The following ACTRT1 variants were observed in gnomAD, a reference collection of about 807,000 sequenced individuals.
ACTRT1 encodes actin-related protein T1.
ACTRT1 carries 1 observed loss-of-function variant against 1.4 expected under a neutral mutation model. That is an observed-to-expected ratio of 0.69 (90% CI 0.25 to 3.28). The LOEUF (loss-of-function observed/expected upper bound fraction) is 3.28. Ranked by LOEUF, ACTRT1 falls within the 30% of genes most tolerant of loss-of-function variation. ACTRT1 has a pLI of 0.20. For synonymous variants in ACTRT1, 121 were observed against 115.2 expected (o/e 1.05, Z -0.32); for missense variants, 334 against 291.5 (o/e 1.15, Z -1.06).
In ACTRT1 at chrX:128,051,800, T is replaced by G. The variant is rs776218169; in HGVS notation, c.407A>C (p.Tyr136Ser). The G allele has an allele frequency of 2.1e-5, 25 of 1,211,533 alleles. No individual in the cohort carries two copies. The highest frequency in any genetic ancestry group is 2.0e-5 in the Non-Finnish European group (18 of 895,445). The change falls in exon 1 of 1, where the codon TAC (tyrosine) becomes TCC (serine). Residue 136 changes from tyrosine (Y) to serine (S), a missense_variant. Tyr to Ser is a moderately radical substitution (Grantham distance 144). Coordinates refer to ENST00000371124, the MANE Select transcript of ACTRT1 (RefSeq NM_138289.4). ...MFETFSVPGFYLSNHAVAALY... is the reference protein window; with the variant it reads ...MFETFSVPGFSLSNHAVAALY... ...CGCTGCCACCGCATGATTAGACAGGTAGAAACCAGGCACACTGAAGGTCTC... is the reference window on the plus strand; with the variant it reads ...CGCTGCCACCGCATGATTAGACAGGGAGAAACCAGGCACACTGAAGGTCTC...
In ACTRT1 at chrX:128,052,349, AC is replaced by A; in HGVS notation, c.-144del. 5.1e-6 allele frequency: 3 copies of A among 593,735 alleles called. No homozygotes were observed. Among genetic ancestry groups the A allele is most frequent in the Non-Finnish European group, 7.7e-6 (3 of 388,605 alleles). 48.9% of individuals were successfully genotyped at this position (593,735 alleles called of 1,213,427 possible). ...GTCACCCATGTACAGCTAGTAGGCT[AC>A]CTTCAGTCCACCAGGACACCCCATC... On this transcript the variant is annotated 5_prime_UTR_variant, in exon 1 of 1. The change creates a premature stop within an existing upstream ORF in the 5' untranslated region. Coordinates refer to ENST00000371124, the MANE Select transcript of ACTRT1 (RefSeq NM_138289.4).
chrX:128,051,269 C>T lies in ACTRT1; in HGVS notation c.938G>A (p.Arg313Lys), dbSNP rs376216938. The T allele has an allele frequency of 8.3e-7, 1 of 1,208,214 alleles. No homozygotes were observed. The highest frequency in any genetic ancestry group is 3.0e-5 in the East Asian group (1 of 33,617). The change falls in exon 1 of 1, where the codon AGG (arginine) becomes AAG (lysine). Residue 313 changes from arginine to lysine, a missense_variant. Transcript: ENST00000371124. ...GTTLLPGLEE[R>K]LMKEVEQLAS... ...CAGCTGTTCCACTTCCTTCATGAGCCTTTCCTCCAGCCCAGGGAGGAGAGT... is the reference window on the plus strand; with the variant it reads ...CAGCTGTTCCACTTCCTTCATGAGCTTTTCCTCCAGCCCAGGGAGGAGAGT...
At position 128,051,674 on chromosome X, in the gene ACTRT1, A is replaced by G. The variant is rs1262613684; in HGVS notation, c.533T>C (p.Val178Ala). Residue 178 changes from valine (V) to alanine (A), a missense_variant, in exon 1 of 1, where the codon GTC (valine) becomes GCC (alanine). Val to Ala is a moderately conservative substitution (Grantham distance 64). Transcript: ENST00000371124. ...IFEGYSLPHA[V>A]TKLCMAGRDI... Reference sequence around the variant, plus strand: ...CCTCCCTGCCATACAGAGTTTGGTGACTGCGTGAGGCAGGGAGTAACCCTC... The same window carrying G: ...CCTCCCTGCCATACAGAGTTTGGTGGCTGCGTGAGGCAGGGAGTAACCCTC... 2 of 1,211,308 alleles carry G rather than the reference A, an allele frequency of 1.7e-6. No homozygotes were observed. The highest frequency in any genetic ancestry group is 2.2e-6 in the Non-Finnish European group (2 of 895,418).
Position 128,051,081 on chromosome X carries a change from AG to A in ACTRT1, c.1125del (p.Ter377LysfsTer4). The A allele has an allele frequency of 7.5e-6, 9 of 1,206,074 alleles. No homozygotes were observed. The highest frequency in any genetic ancestry group is 1.0e-5 in the Non-Finnish European group (9 of 891,890). On this transcript the variant is annotated frameshift_variant, in exon 1 of 1. Transcript: ENST00000371124. LOFTEE classifies it high-confidence loss of function. ...TCTCCTCTGCTCAAGGATCTTTAAA[AG>A]CACCTTCTTTGAACCACAGATGTCC... ...EYGTSVVQRR[C>X]F
At position 128,051,207 on chromosome X, in the gene ACTRT1, G is replaced by C; in HGVS notation, c.1000C>G (p.Pro334Ala). 1 of 1,210,697 alleles carries C rather than the reference G, an allele frequency of 8.3e-7. No individual in the cohort carries two copies. The change falls in exon 1 of 1, where the codon CCT becomes GCT. Residue 334 changes from proline to alanine, a missense_variant. Pro to Ala is a conservative substitution (Grantham distance 27). Coordinates refer to ENST00000371124, the MANE Select transcript of ACTRT1 (RefSeq NM_138289.4). ...ATCCATGCAGAGAAGCATCTATCAG[G>C]AGAAGCTGTGATCTTGATGGGAGTA... ...KGTPIKITAS[P>A]DRCFSAWIGA...
chrX:128,052,214 A>G lies in ACTRT1; in HGVS notation c.-8T>C, dbSNP rs748629834. On this transcript the variant is annotated 5_prime_UTR_variant, in exon 1 of 1. Coordinates refer to ENST00000371124, the MANE Select transcript of ACTRT1 (RefSeq NM_138289.4). ...TGCATGTGGATTAAACATGTCTGTAATATGTTCTCCTGGACTTCCCCCAAA... is the reference window on the plus strand; with the variant it reads ...TGCATGTGGATTAAACATGTCTGTAGTATGTTCTCCTGGACTTCCCCCAAA... The G allele has an allele frequency of 5.1e-6, 6 of 1,171,883 alleles. No homozygotes were observed. The highest frequency in any genetic ancestry group is 2.7e-4 in the Middle Eastern group (1 of 3,670).
In ACTRT1 at chrX:128,051,582, T is replaced by C; in HGVS notation, c.625A>G (p.Lys209Glu). 2 of 1,211,001 alleles carry C rather than the reference T, an allele frequency of 1.7e-6. No homozygotes were observed. The highest frequency in any genetic ancestry group is 3.5e-5 in the African/African-American group (2 of 57,584). The change falls in exon 1 of 1, where the codon AAG becomes GAG. Residue 209 changes from lysine (K) to glutamate (E), a missense_variant. By Grantham distance (56) the Lys-to-Glu change is moderately conservative. Coordinates refer to ENST00000371124, the MANE Select transcript of ACTRT1 (RefSeq NM_138289.4). ...SGFNFPCILN[K>E]AVVNNIKEKL... ...TCTTTGATGTTATTTACCACGGCCTTGTTGAGTATGCAAGGGAAGTTAAAC... is the reference window on the plus strand; with the variant it reads ...TCTTTGATGTTATTTACCACGGCCTCGTTGAGTATGCAAGGGAAGTTAAAC...
Position 128,052,133 on chromosome X carries a change from A to T in ACTRT1, c.74T>A (p.Leu25Gln). 2.5e-6 allele frequency: 3 copies of T among 1,211,764 alleles called. No individual in the cohort carries two copies. The highest frequency in any genetic ancestry group is 3.4e-6 in the Non-Finnish European group (3 of 895,422). Residue 25 changes from leucine (L) to glutamine (Q), a missense_variant, in exon 1 of 1, where the codon CTG becomes CAG. Leu to Gln is a moderately radical substitution (Grantham distance 113). Coordinates refer to ENST00000371124, the MANE Select transcript of ACTRT1 (RefSeq NM_138289.4). ...ATGGCGGGGTCCAATCTCTCCAGAC[A>T]GGCCTGCTTTGCAGAGTCCTGAACC... ...DNGSGLCKAG[L>Q]SGEIGPRHVI...
At position 128,051,209 on chromosome X, in the gene ACTRT1, G is replaced by A. The variant is rs1211355697; in HGVS notation, c.998C>T (p.Ser333Phe). ...SKGTPIKITA[S>F]PDRCFSAWIG... Reference sequence around the variant, plus strand: ...CCATGCAGAGAAGCATCTATCAGGAGAAGCTGTGATCTTGATGGGAGTACC... The same window carrying A: ...CCATGCAGAGAAGCATCTATCAGGAAAAGCTGTGATCTTGATGGGAGTACC... The change falls in exon 1 of 1, where the codon TCT becomes TTT. Residue 333 changes from serine (S) to phenylalanine (F), a missense_variant. Ser to Phe is a radical substitution (Grantham distance 155). Coordinates refer to ENST00000371124, the MANE Select transcript of ACTRT1 (RefSeq NM_138289.4). 5 of 1,208,114 alleles carry A rather than the reference G, an allele frequency of 4.1e-6. No homozygotes were observed. The highest frequency in any genetic ancestry group is 3.0e-5 in the East Asian group (1 of 33,578).
chrX:128,051,656 G>C lies in ACTRT1; in HGVS notation c.551C>G (p.Ala184Gly), dbSNP rs760141732. Residue 184 changes from alanine (A) to glycine (G), a missense_variant, in exon 1 of 1, where the codon GCA (alanine) becomes GGA (glycine). Physicochemically the swap from Ala to Gly is moderately conservative, Grantham distance 60. Transcript: ENST00000371124. ...LPHAVTKLCM[A>G]GRDITEHLTR... ...GAGGTGCTCTGTGATGTCCCTCCCT[G>C]CCATACAGAGTTTGGTGACTGCGTG... The C allele has an allele frequency of 3.3e-6, 4 of 1,210,995 alleles. No individual in the cohort carries two copies. The East Asian group carries it at 1.2e-4, about 36-fold the overall frequency.
rs766876285 is a variant in ACTRT1 at position 128,051,647 on chromosome X, T to G, written c.560A>C (p.Asp187Ala). ...GAGCCGGGTGAGGTGCTCTGTGATG[T>G]CCCTCCCTGCCATACAGAGTTTGGT... ...AVTKLCMAGR[D>A]ITEHLTRLLF... is the part of the protein sequence containing the mutation. Residue 187 changes from aspartate (D) to alanine (A), a missense_variant, in exon 1 of 1, where the codon GAC (aspartate) becomes GCC (alanine). Physicochemically the swap from Asp to Ala is moderately radical, Grantham distance 126. Coordinates refer to ENST00000371124, the MANE Select transcript of ACTRT1 (RefSeq NM_138289.4). 49 of 1,208,801 alleles carry G rather than the reference T, an allele frequency of 4.1e-5. No homozygotes were observed. In the East Asian group the frequency reaches 1.4e-3, roughly 34 times the overall value.
At position 128,052,234 on chromosome X, in the gene ACTRT1, C is replaced by T; in HGVS notation, c.-28G>A. 2 of 1,143,228 alleles carry T rather than the reference C, an allele frequency of 1.7e-6. No homozygotes were observed. The highest frequency in any genetic ancestry group is 3.0e-5 in the East Asian group (1 of 33,171). 94.2% of individuals were successfully genotyped at this position (1,143,228 alleles called of 1,213,427 possible). On this transcript the variant is annotated 5_prime_UTR_variant, in exon 1 of 1. Coordinates refer to ENST00000371124, the MANE Select transcript of ACTRT1 (RefSeq NM_138289.4). ...CTGTAATATGTTCTCCTGGACTTCC[C>T]CCAAATAAAGAAAGAACACTTACGT...
chrX:128,051,024 C>T lies in ACTRT1; in HGVS notation c.*52G>A, dbSNP rs1009383485. 8.7e-7 allele frequency: 1 copy of T among 1,146,958 alleles called. No individual in the cohort carries two copies. 94.5% of individuals were successfully genotyped at this position (1,146,958 alleles called of 1,213,427 possible). The stretch of plus-strand genomic sequence containing the variant: ...GCCCAGAAGAAAATGCCATCTCCCA[C>T]TGGTACTCCTGTAATCTGACACTTC... On this transcript the variant is annotated 3_prime_UTR_variant, in exon 1 of 1. Coordinates refer to ENST00000371124, the MANE Select transcript of ACTRT1 (RefSeq NM_138289.4).
In ACTRT1 at chrX:128,051,221, T is replaced by C; in HGVS notation, c.986A>G (p.Lys329Arg). ...GCATCTATCAGGAGAAGCTGTGATC[T>C]TGATGGGAGTACCTTTGGAAGCCAG... ...EQLASKGTPI[K>R]ITASPDRCFS... Residue 329 changes from lysine (K) to arginine (R), a missense_variant, in exon 1 of 1, where the codon AAG (lysine) becomes AGG (arginine). By Grantham distance (26) the Lys-to-Arg change is conservative. Coordinates refer to ENST00000371124, the MANE Select transcript of ACTRT1 (RefSeq NM_138289.4). 8.3e-7 allele frequency: 1 copy of C among 1,210,869 alleles called. No homozygotes were observed. The highest frequency in any genetic ancestry group is 1.1e-6 in the Non-Finnish European group (1 of 895,340).
Position 128,051,299 on chromosome X carries a change from C to A in ACTRT1, c.908G>T (p.Gly303Val), listed in dbSNP as rs1235343335. The change falls in exon 1 of 1, where the codon GGC (glycine) becomes GTC (valine). Residue 303 changes from glycine to valine, a missense_variant. Gly to Val is a moderately radical substitution (Grantham distance 109). Coordinates refer to ENST00000371124, the MANE Select transcript of ACTRT1 (RefSeq NM_138289.4). ...KLYADIVLSG[G>V]TTLLPGLEER... ...CTCCAGCCCAGGGAGGAGAGTGGTG[C>A]CCCCGGAGAGTACAATGTCTGCATA... 8.3e-7 allele frequency: 1 copy of A among 1,207,597 alleles called. No individual in the cohort carries two copies. The highest frequency in any genetic ancestry group is 1.8e-5 in the African/African-American group (1 of 56,418).
Position 128,051,719 on chromosome X carries a change from G to A in ACTRT1, c.488C>T (p.Thr163Ile), listed in dbSNP as rs1861373232. Reference protein sequence around the residue: ...GLVVDSGDGVTCTVPIFEGYS... With the variant: ...GLVVDSGDGVICTVPIFEGYS... ...ACCCTCAAAGATGGGGACAGTGCAA[G>A]TGACCCCATCTCCACTGTCCACCAC... Residue 163 changes from threonine (T) to isoleucine (I), a missense_variant, in exon 1 of 1, where the codon ACT becomes ATT. Coordinates refer to ENST00000371124, the MANE Select transcript of ACTRT1 (RefSeq NM_138289.4). 4 of 1,209,109 alleles carry A rather than the reference G, an allele frequency of 3.3e-6. No homozygotes were observed. Among genetic ancestry groups the A allele is most frequent in the Admixed American group, 4.4e-5 (2 of 45,649 alleles).
Position 128,051,565 on chromosome X carries a change from G to A in ACTRT1, c.642C>T (p.Asn214=). ...PCILNKAVVN[N]IKEKLCYIAL... is the part of the protein sequence containing the mutation. ...CGATGTAGCACAACTTCTCTTTGAT[G>A]TTATTTACCACGGCCTTGTTGAGTA... The change falls in exon 1 of 1, where the codon AAC becomes AAT. Residue 214 remains asparagine, a synonymous_variant. Transcript: ENST00000371124. 8.3e-7 allele frequency: 1 copy of A among 1,211,432 alleles called. No homozygotes were observed.
In ACTRT1 at chrX:128,051,662, CAG is replaced by C. The variant is rs760509819; in HGVS notation, c.543_544del (p.Cys182TyrfsTer17). ...CTCTGTGATGTCCCTCCCTGCCATA[CAG>C]AGTTTGGTGACTGCGTGAGGCAGGG... On this transcript the variant is annotated frameshift_variant, in exon 1 of 1. Coordinates refer to ENST00000371124, the MANE Select transcript of ACTRT1 (RefSeq NM_138289.4). LOFTEE classifies it low-confidence loss of function (END_TRUNC). The C allele has an allele frequency of 1.1e-5, 13 of 1,209,054 alleles. No homozygotes were observed. The highest frequency in any genetic ancestry group is 4.4e-5 in the Admixed American group (2 of 45,632).
chrX:128,051,825 C>T lies in ACTRT1; in HGVS notation c.382G>A (p.Glu128Lys). The stretch of plus-strand genomic sequence containing the variant: ...TAGAAACCAGGCACACTGAAGGTCT[C>T]AAACATCATTTCTGCTAGCTTTTCT... ...IREKLAEMMF[E>K]TFSVPGFYLS... Residue 128 changes from glutamate (E) to lysine (K), a missense_variant, in exon 1 of 1, where the codon GAG becomes AAG. By Grantham distance (56) the Glu-to-Lys change is moderately conservative. Coordinates refer to ENST00000371124, the MANE Select transcript of ACTRT1 (RefSeq NM_138289.4). 1 of 1,211,665 alleles carries T rather than the reference C, an allele frequency of 8.3e-7. No homozygotes were observed. Among genetic ancestry groups the T allele is most frequent in the Non-Finnish European group, 1.1e-6 (1 of 895,510 alleles).
Sources: gnomAD v4.1 joint callset for allele counts on GRCh38, gnomAD v4.1.1 for gene constraint, MANE v1.5 for transcripts, NCBI Gene and HGNC (gene_info 2026-07-23, HGNC 2026-07-21) for gene names.